REDIC1: variants seen among roughly 807,000 people sequenced by gnomAD.
REDIC1 encodes HEI10 Interacting Protein 1.
At chr12:39,650,171 G>T in the REDIC1 span, 4 of 1,324,770 alleles carry the variant, frequency 3.0e-6, no homozygotes, top group Non-Finnish European at 3.9e-6. The surrounding 1 kb of genome is among the most constrained non-coding windows in gnomAD (Gnocchi z 4.3). Flanking sequence ...ACATTTTATG[G>T]TAAATAATTT....
At chr12:39,780,588 G>T in the REDIC1 span, among the ~76,000 whole-genome samples, 3 of 152,140 alleles carry the variant, frequency 2.0e-5, no homozygotes, top group African/African-American at 7.2e-5. Flanking sequence ...GGCCCCAAAA[G>T]CTCAAAACAA....
chr12:39,707,926 G>T, the REDIC1 span, among the ~76,000 whole-genome samples: 4 of 151,856 alleles, frequency 2.6e-5, no homozygotes, highest in South Asian at 8.3e-4. Flanking sequence ...AACAACACAT[G>T]TTCTCACTTA....
the REDIC1 span, among the ~76,000 whole-genome samples, chr12:39,825,772 T>C: frequency 6.6e-6 from 1 of 152,188 alleles, no homozygotes; most frequent in Non-Finnish European, 1.5e-5. Flanking sequence ...CTTTTATTTT[T>C]TGATCCTTCC....
At chr12:39,763,601 T>C in the REDIC1 span, among the ~76,000 whole-genome samples, 1 of 151,998 alleles carries the variant, frequency 6.6e-6, no homozygotes, top group South Asian at 2.1e-4. Context: ...AAATGATAAG[T>C]GGCCAGAGCA....
At chr12:39,743,037 A>G in the REDIC1 span, among the ~76,000 whole-genome samples, 1 of 147,648 alleles carries the variant, frequency 6.8e-6, no homozygotes, top group South Asian at 2.2e-4. Flanking sequence ...ACGTTCTATA[A>G]ACCAGGTTTA....
chr12:39,893,255 T>C, the REDIC1 span, among the ~76,000 whole-genome samples: 2 of 152,226 alleles, frequency 1.3e-5, no homozygotes, highest in Admixed American at 1.3e-4. Context: ...TAATTTTATC[T>C]ATGTCTATTT....
At chr12:39,722,704 G>A in the REDIC1 span, among the ~76,000 whole-genome samples, 1 of 152,130 alleles carries the variant, frequency 6.6e-6, no homozygotes, top group Non-Finnish European at 1.5e-5. Context: ...TAGCAGTTAA[G>A]CTCTGTAAGA....
the REDIC1 span, among the ~76,000 whole-genome samples, chr12:39,722,870 G>A: frequency 1.3e-5 from 2 of 152,090 alleles, no homozygotes; most frequent in Non-Finnish European, 2.9e-5. Context: ...GAATGTCATG[G>A]CTAGTGAGTG....
At chr12:39,708,109 G>C in the REDIC1 span, among the ~76,000 whole-genome samples, 2 of 151,484 alleles carry the variant, frequency 1.3e-5, no homozygotes, top group African/African-American at 4.8e-5. Flanking sequence ...AGCACAACAG[G>C]GTAGCTATAG....
the REDIC1 span, among the ~76,000 whole-genome samples, chr12:39,726,028 C>G: frequency 6.6e-6 from 1 of 152,014 alleles, no homozygotes; most frequent in East Asian, 1.9e-4. Context: ...ATGTCAGTCA[C>G]GTGGAACAAA....
At chr12:39,669,869 C>A in the REDIC1 span, among the ~76,000 whole-genome samples, 1 of 152,138 alleles carries the variant, frequency 6.6e-6, no homozygotes, top group Non-Finnish European at 1.5e-5. Flanking sequence ...GGTATAATTT[C>A]CTGTTGTGCT....
chr12:39,855,962 T>A, the REDIC1 span, among the ~76,000 whole-genome samples: 148 of 152,210 alleles, frequency 9.7e-4, no homozygotes, highest in Non-Finnish European at 1.8e-3. Flanking sequence ...TGACCTGTTT[T>A]ATGCCCAGAG....
chr12:39,629,479 T>A, the REDIC1 span, among the ~76,000 whole-genome samples: 4 of 152,212 alleles, frequency 2.6e-5, no homozygotes, highest in African/African-American at 9.6e-5. Flanking sequence ...TTGATAGCAA[T>A]ATCTTTACAG....
At chr12:39,703,552 A>C in the REDIC1 span, among the ~76,000 whole-genome samples, 1 of 151,814 alleles carries the variant, frequency 6.6e-6, no homozygotes, top group South Asian at 2.1e-4. Context: ...TCAAGCTACC[A>C]ATGACTTTCT....
the REDIC1 span, among the ~76,000 whole-genome samples, chr12:39,722,548 A>G: frequency 3.9e-5 from 6 of 152,186 alleles, no homozygotes; most frequent in African/African-American, 1.4e-4. Context: ...ATGACAGTAG[A>G]ATAAACTTGA....
At chr12:39,861,107 T>C in the REDIC1 span, among the ~76,000 whole-genome samples, 3 of 152,244 alleles carry the variant, frequency 2.0e-5, no homozygotes, top group South Asian at 4.1e-4. Flanking sequence ...AGGATCTTTG[T>C]ACCTGCCATT....
the REDIC1 span, among the ~76,000 whole-genome samples, chr12:39,703,051 C>T: frequency 6.6e-6 from 1 of 152,188 alleles, no homozygotes; most frequent in South Asian, 2.1e-4. Context: ...TCTCACCACT[C>T]CTATTCAACA....
At chr12:39,764,641 T>C in the REDIC1 span, 4,241 of 1,580,770 alleles carry the variant, frequency 2.7e-3, 90 homozygotes, top group African/African-American at 0.051. Context: ...AAAACTTTAG[T>C]AAAATAGCAT....
the REDIC1 span, among the ~76,000 whole-genome samples, chr12:39,660,565 G>A: frequency 6.6e-6 from 1 of 151,872 alleles, no homozygotes; most frequent in Non-Finnish European, 1.5e-5. Context: ...GGGTACATGT[G>A]GTATGTTGTT....
Sources: gnomAD v4.1 joint callset for allele counts (sites outside exome capture counted in the v4.1 genomes callset) on GRCh38, gnomAD v4.1.1 for gene constraint, Gnocchi (gnomAD v3.1) non-coding constraint, MANE v1.5 for transcripts, NCBI Gene and HGNC (gene_info 2026-07-23, HGNC 2026-07-21) for gene names.